The following HBS1L variants were observed in gnomAD, a reference collection of about 807,000 sequenced individuals.
The protein encoded by HBS1L is HBS1 like translational GTPase.
In HBS1L, 55 loss-of-function variants were observed where a neutral mutation model predicts 88.9. The ratio of observed to expected loss-of-function variants is 0.62; its 90% CI spans 0.50 to 0.77. HBS1L has a LOEUF of 0.77. Among genes scored for constraint, HBS1L ranks in the 30% least tolerant of loss-of-function variants. HBS1L has a pLI of 0.00. For missense variants in HBS1L, 741 were observed against 829.3 expected, an observed-to-expected ratio of 0.89 and a Z score of 1.31; for synonymous variants, 267 against 288.5, an observed-to-expected ratio of 0.93 and a Z score of 0.76.
intron 4 of HBS1L, among the ~76,000 whole-genome samples, chr6:135,027,958 G>A (rs890621017): frequency 4.0e-5 from 6 of 151,866 alleles, no homozygotes; most frequent in African/African-American, 1.5e-4. Context: ...GTAGAGATGG[G>A]GTTTCACTAT....
chr6:134,995,144 A>C (rs1775255169), intron 7 of HBS1L, among the ~76,000 whole-genome samples: 1 of 152,078 alleles, frequency 6.6e-6, no homozygotes. Context: ...ACTTATTCTG[A>C]GATCCTCCCT....
Position 134,985,329 on chromosome 6 carries a change from G to GGTA in HBS1L, c.1492+9_1492+11dup. On this transcript the variant is annotated intron_variant, in intron 12 of 17. Transcript: ENST00000367837. ...GGCTATACTGAAGAAGCACTACAAA[G>GGTA]GTAGCACTTACCTTTGAAAACATCG... The GGTA allele has an allele frequency of 6.4e-7, 1 of 1,572,196 alleles. No individual in the cohort carries two copies. The highest frequency in any genetic ancestry group is 8.7e-7 in the Non-Finnish European group (1 of 1,150,456).
At chr6:135,053,327 A>C (rs1777146688) in intron 1 of HBS1L, among the ~76,000 whole-genome samples, 1 of 152,166 alleles carries the variant, frequency 6.6e-6, no homozygotes, top group Non-Finnish European at 1.5e-5. Flanking sequence ...CTCCTTTTAG[A>C]CCACCCTCAA....
intron 3 of HBS1L, among the ~76,000 whole-genome samples, chr6:135,040,208 C>T (rs1236451827): frequency 3.3e-5 from 5 of 152,084 alleles, no homozygotes; most frequent in African/African-American, 1.2e-4. Context: ...CCTTAAGTTT[C>T]CTTTTTGGCT....
chr6:135,021,495 C>A (rs1185659133), intron 4 of HBS1L, among the ~76,000 whole-genome samples: 2 of 152,020 alleles, frequency 1.3e-5, no homozygotes, highest in Admixed American at 1.3e-4. Flanking sequence ...CTTAGGACTG[C>A]TAATTTGCAG....
intron 4 of HBS1L, among the ~76,000 whole-genome samples, chr6:135,009,245 T>C (rs1011103228): frequency 2.6e-5 from 4 of 152,184 alleles, no homozygotes; most frequent in African/African-American, 7.2e-5. Context: ...TTAAAATATA[T>C]ATATATGAAT....
intron 4 of HBS1L, among the ~76,000 whole-genome samples, chr6:135,009,876 C>T (rs1775725986): frequency 6.6e-6 from 1 of 151,898 alleles, no homozygotes; most frequent in South Asian, 2.1e-4. Context: ...GTGATCCGCC[C>T]GCCTCGGCCT....
At chr6:135,012,434 C>T (rs1361353003) in intron 4 of HBS1L, among the ~76,000 whole-genome samples, 2 of 152,148 alleles carry the variant, frequency 1.3e-5, no homozygotes, top group Non-Finnish European at 2.9e-5. Context: ...TTCTATGCTA[C>T]AATGACTGTA....
chr6:135,027,806 C>T (rs537342224), intron 4 of HBS1L, among the ~76,000 whole-genome samples: 21 of 150,380 alleles, frequency 1.4e-4, no homozygotes, highest in African/African-American at 4.4e-4. Context: ...CTCACTCTGT[C>T]GCCCGGGCTG....
chr6:134,965,166 C>T lies in HBS1L; in HGVS notation c.*113G>A. The T allele has an allele frequency of 4.5e-6, 4 of 888,322 alleles. No individual in the cohort carries two copies. Among genetic ancestry groups the T allele is most frequent in the Non-Finnish European group, 7.4e-6 (4 of 542,838 alleles). The allele number at this position is 888,322 out of a possible 1,614,324, so 55.0% of individuals were successfully genotyped here. Reference sequence around the variant, plus strand: ...CTAATTTTAGCTTTAATTTTTCTCTCTCATCTAAAAACATATCAATTGCAC... The same window carrying T: ...CTAATTTTAGCTTTAATTTTTCTCTTTCATCTAAAAACATATCAATTGCAC... On this transcript the variant is annotated 3_prime_UTR_variant, in exon 18 of 18. Transcript: ENST00000367837.
At position 134,965,135 on chromosome 6, in the gene HBS1L, T is replaced by C; in HGVS notation, c.*144A>G. On this transcript the variant is annotated 3_prime_UTR_variant, in exon 18 of 18. Transcript: ENST00000367837. Reference sequence around the variant, plus strand: ...TGCAGAGGTGATTATTAATACTTCTTTGCAGCTAATTTTAGCTTTAATTTT... The same window carrying C: ...TGCAGAGGTGATTATTAATACTTCTCTGCAGCTAATTTTAGCTTTAATTTT... 1 of 739,932 alleles carries C rather than the reference T, an allele frequency of 1.4e-6. No individual in the cohort carries two copies. Among genetic ancestry groups the C allele is most frequent in the South Asian group, 1.6e-5 (1 of 62,574 alleles). The allele number at this position is 739,932 out of a possible 1,614,324, so 45.8% of individuals were successfully genotyped here. A position where few individuals can be genotyped will look rare whatever the true frequency, so the allele number is the denominator to read the frequency against.
chr6:135,004,965 T>C (rs915818238), intron 4 of HBS1L, among the ~76,000 whole-genome samples: 1 of 152,036 alleles, frequency 6.6e-6, no homozygotes, highest in African/African-American at 2.4e-5. Context: ...TAATGGACAA[T>C]ACACCTACAA....
At chr6:135,041,553 G>A (rs1433799892) in intron 3 of HBS1L, among the ~76,000 whole-genome samples, 3 of 152,080 alleles carry the variant, frequency 2.0e-5, no homozygotes, top group Admixed American at 2.0e-4. Context: ...TCACACAGAT[G>A]TAAATCCTGA....
intron 4 of HBS1L, among the ~76,000 whole-genome samples, chr6:135,003,667 A>G (rs934993667): frequency 6.6e-6 from 1 of 151,928 alleles, no homozygotes; most frequent in African/African-American, 2.4e-5. Flanking sequence ...GGAGTTCGAG[A>G]CCAGCCTGAC....
chr6:134,993,790 A>C lies in HBS1L; in HGVS notation c.1051T>G (p.Phe351Val). The C allele has an allele frequency of 6.3e-7, 1 of 1,596,268 alleles. No homozygotes were observed. Among genetic ancestry groups the C allele is most frequent in the Non-Finnish European group, 8.6e-7 (1 of 1,167,802 alleles). ...GCTCCTGTAATCATATTTGGAATGA[A>C]GTCCTTATGGCCTGGAGCATCCATT... ...TLMDAPGHKD[F>V]IPNMITGAAQ... Residue 351 changes from phenylalanine (F) to valine (V), a missense_variant, in exon 8 of 18, where the codon TTC (phenylalanine) becomes GTC (valine). Physicochemically the swap from Phe to Val is conservative, Grantham distance 50. This residue lies in a region of HBS1L where 556 missense variants were observed against 598.4 expected (regional missense o/e 0.93). Coordinates refer to ENST00000367837, the MANE Select transcript of HBS1L (RefSeq NM_006620.4).
chr6:134,967,769 G>A (rs1774358023), intron 16 of HBS1L, among the ~76,000 whole-genome samples: 1 of 152,158 alleles, frequency 6.6e-6, no homozygotes, highest in South Asian at 2.1e-4. Context: ...TTAGAATCCT[G>A]CCTCTACCAC....
chr6:135,023,931 G>C (rs186866838), intron 4 of HBS1L, among the ~76,000 whole-genome samples: 4 of 152,104 alleles, frequency 2.6e-5, no homozygotes, highest in Non-Finnish European at 5.9e-5. Context: ...CAGATTTTTA[G>C]ACCAACTATT....
At chr6:135,000,131 TC>T (rs1244963450) in intron 5 of HBS1L, among the ~76,000 whole-genome samples, 1 of 152,008 alleles carries the variant, frequency 6.6e-6, no homozygotes, top group Non-Finnish European at 1.5e-5. Flanking sequence ...CAATATTGGC[TC>T]ACTGCAGTCT....
At chr6:135,011,681 G>C (rs1255023320) in intron 4 of HBS1L, among the ~76,000 whole-genome samples, 1 of 152,066 alleles carries the variant, frequency 6.6e-6, no homozygotes, top group Non-Finnish European at 1.5e-5. Context: ...AAGGTGGGTG[G>C]ATCACCTGAA....
Sources: allele counts gnomAD v4.1 joint callset (sites outside exome capture counted in the v4.1 genomes callset), GRCh38; gene constraint gnomAD v4.1.1; regional missense constraint gnomAD v4.1.1; transcripts MANE v1.5; gene names NCBI Gene and HGNC (gene_info 2026-07-23, HGNC 2026-07-21).